The following DDX23 variants were observed in gnomAD, a reference collection of about 807,000 sequenced individuals.
The protein encoded by DDX23 is probable ATP-dependent RNA helicase DDX23.
In DDX23, 33 loss-of-function variants were observed where a neutral mutation model predicts 102.7. The ratio of observed to expected loss-of-function variants is 0.32; its 90% CI spans 0.24 to 0.43. The LOEUF is 0.43. DDX23 is among the 20% of genes least tolerant of loss of function. The pLI, the probability that DDX23 is intolerant of heterozygous loss-of-function variation, is 1.00. For synonymous variants in DDX23, 352 were observed against 376.0 expected (o/e 0.94, Z 0.74); for missense variants, 549 against 1,086.6 (o/e 0.51, Z 6.96).
chr12:48,830,828 G>A lies in DDX23; in HGVS notation c.2240-136C>T. 1.1e-6 allele frequency: 1 copy of A among 942,572 alleles called. No homozygotes were observed. The highest frequency in any genetic ancestry group is 1.6e-6 in the Non-Finnish European group (1 of 641,722). 58.4% of individuals were successfully genotyped at this position (942,572 alleles called of 1,614,324 possible). A position where few individuals can be genotyped will look rare whatever the true frequency, so the allele number is the denominator to read the frequency against. On this transcript the variant is annotated intron_variant, in intron 16 of 16. Coordinates refer to ENST00000308025, the MANE Select transcript of DDX23 (RefSeq NM_004818.3). This position sits in a 1 kb window ranked among gnomAD's most constrained non-coding sequence, Gnocchi z 4.9. ...TACAGCACATGCTGCCTGAACCTGA[G>A]GCGCCCACAGTGCCCTCTCCAGGTG...
rs144059085 is a variant in DDX23 at position 48,829,943 on chromosome 12, G to T, written c.*526C>A. The T allele has an allele frequency of 1.4e-5, 5 of 348,178 alleles. No individual in the cohort carries two copies. Among genetic ancestry groups the T allele is most frequent in the African/African-American group, 6.4e-5 (3 of 46,726 alleles). 21.6% of individuals were successfully genotyped at this position (348,178 alleles called of 1,614,324 possible). On this transcript the variant is annotated 3_prime_UTR_variant, in exon 17 of 17. Transcript: ENST00000308025. ...ATACAGCACCCCTTGGTGCGGGGCT[G>T]TGCACAGGTCTAAAGACTCTCAACT...
At chr12:48,834,218 C>T (rs1938431818) in intron 12 of DDX23, 102 bp downstream of exon 12, 1 of 1,138,698 alleles carries the variant, frequency 8.8e-7, no homozygotes, top group Non-Finnish European at 1.2e-6. Flanking sequence ...TATAAACCAG[C>T]TCCTTTCTTC....
intron 3 of DDX23, among the ~76,000 whole-genome samples, chr12:48,842,564 G>A (rs1477164802): frequency 2.5e-4 from 37 of 146,838 alleles, no homozygotes; most frequent in Non-Finnish European, 3.6e-4. Context: ...TCAGCCCCCC[G>A]CCCGGCCAGC....
intron 16 of DDX23, 132 bp downstream of exon 16, chr12:48,831,010 G>A: frequency 1.9e-6 from 2 of 1,053,436 alleles, no homozygotes; most frequent in Admixed American, 3.9e-5. Flanking sequence ...CTTCTCATGG[G>A]AGCAAGCAAT....
chr12:48,846,750 T>C (rs763470935), intron 1 of DDX23, among the ~76,000 whole-genome samples: 24 of 152,328 alleles, frequency 1.6e-4, no homozygotes, highest in East Asian at 5.8e-4. Context: ...GAAGTCCTGA[T>C]TGACATTCCC....
intron 1 of DDX23, among the ~76,000 whole-genome samples, chr12:48,849,474 C>A (rs1470890425): frequency 6.6e-6 from 1 of 151,838 alleles, no homozygotes; most frequent in East Asian, 1.9e-4. Context: ...CCAGCCTGGC[C>A]AACAGGGTGA....
chr12:48,845,728 C>T lies in DDX23; in HGVS notation c.55G>A (p.Glu19Lys). ...TCAGGAGTCCGTGATCGCTTCCTTTCCTCCTTGGAAGGTGATGCATCACGG... is the reference window on the plus strand; with the variant it reads ...TCAGGAGTCCGTGATCGCTTCCTTTTCTCCTTGGAAGGTGATGCATCACGG... The part of the protein sequence containing the change: ...KDRDASPSKE[E>K]RKRSRTPDRE... Residue 19 changes from glutamate to lysine, a missense_variant, in exon 2 of 17, where the codon GAA becomes AAA. By Grantham distance (56) the Glu-to-Lys change is moderately conservative. Transcript: ENST00000308025. 3.1e-6 allele frequency: 5 copies of T among 1,614,214 alleles called. No homozygotes were observed. Among genetic ancestry groups the T allele is most frequent in the Non-Finnish European group, 4.2e-6 (5 of 1,180,050 alleles).
intron 1 of DDX23, among the ~76,000 whole-genome samples, chr12:48,847,902 G>A (rs1284854468): frequency 6.6e-6 from 1 of 152,200 alleles, no homozygotes. Context: ...ACAGCATCCT[G>A]GATTTCATTC....
At chr12:48,831,008 G>T in intron 16 of DDX23, 134 bp downstream of exon 16, 1 of 1,030,574 alleles carries the variant, frequency 9.7e-7, no homozygotes, top group Non-Finnish European at 1.5e-6. Flanking sequence ...TGCTTCTCAT[G>T]GGAGCAAGCA....
At chr12:48,834,256 T>C in intron 12 of DDX23, 64 bp downstream of exon 12, 1 of 1,499,318 alleles carries the variant, frequency 6.7e-7, no homozygotes, top group South Asian at 1.3e-5. Flanking sequence ...TTCCAGAAAC[T>C]AGAAACAAAG....
chr12:48,836,301 G>A lies in DDX23; in HGVS notation c.1237-35C>T. ...CCCCAAGAAAGAGTAATAGGTACAG[G>A]GAGAGTTATACCACCTGGGCAACCA... is the stretch of plus-strand genomic sequence containing the variant. On this transcript the variant is annotated intron_variant, in intron 10 of 16. Coordinates refer to ENST00000308025, the MANE Select transcript of DDX23 (RefSeq NM_004818.3). This position sits in a 1 kb window ranked among gnomAD's most constrained non-coding sequence, Gnocchi z 6.1. 6.2e-7 allele frequency: 1 copy of A among 1,609,172 alleles called. No homozygotes were observed. The highest frequency in any genetic ancestry group is 8.5e-7 in the Non-Finnish European group (1 of 1,175,852).
rs754921445 is a variant in DDX23 at position 48,831,312 on chromosome 12, T to C, written c.2069A>G (p.Asn690Ser). Residue 690 changes from asparagine to serine, a missense_variant, in exon 16 of 17, where the codon AAT becomes AGT. Asn to Ser is a conservative substitution (Grantham distance 46, BLOSUM62 1). Around this residue, in one of 4 missense-constraint regions of DDX23, gnomAD observed 270 missense variants for 707.0 expected, o/e 0.38. Coordinates refer to ENST00000308025, the MANE Select transcript of DDX23 (RefSeq NM_004818.3). ...LAKSLEKMGY[N>S]ACTLHGGKGQ... ...TTTTCCACCGTGCAGTGTGCAAGCA[T>C]TGTACTGTTGGAAGAATGGTGAAGT... The C allele has an allele frequency of 1.4e-5, 22 of 1,613,932 alleles. No individual in the cohort carries two copies. Among genetic ancestry groups the C allele is most frequent in the African/African-American group, 2.7e-5 (2 of 74,868 alleles).
At position 48,841,607 on chromosome 12, in the gene DDX23, T is replaced by C. The variant is rs1232961937; in HGVS notation, c.321-1501A>G. Among the ~76,000 whole-genome samples, 8 of 152,220 alleles carry C rather than the reference T, an allele frequency of 5.3e-5. No individual in the cohort carries two copies. In the East Asian group the frequency reaches 5.8e-4, roughly 11 times the overall value. On this transcript the variant is annotated intron_variant, in intron 3 of 16. Coordinates refer to ENST00000308025, the MANE Select transcript of DDX23 (RefSeq NM_004818.3). ...TGCCGAGTGCCTGCGATTGCAGGCGTGCGCCGCCACGCCTGACTGGTTTTC... is the reference window on the plus strand; with the variant it reads ...TGCCGAGTGCCTGCGATTGCAGGCGCGCGCCGCCACGCCTGACTGGTTTTC...
In DDX23 at chr12:48,836,086, A is replaced by T. The variant is rs774271044; in HGVS notation, c.1382+35T>A. On this transcript the variant is annotated intron_variant, in intron 11 of 16. Transcript: ENST00000308025. The surrounding 1 kb of genome is among the most constrained non-coding windows in gnomAD (Gnocchi z 6.1). The stretch of plus-strand genomic sequence containing the variant: ...TGCCACTTTCACCTTTCCTACCCAG[A>T]CAAACCCACTCCAGCTGGTGCTAGC... 6.2e-7 allele frequency: 1 copy of T among 1,606,954 alleles called. No individual in the cohort carries two copies. The highest frequency in any genetic ancestry group is 1.1e-5 in the South Asian group (1 of 90,892).
At chr12:48,839,671 C>G in intron 5 of DDX23, 173 bp downstream of exon 5, 1 of 628,950 alleles carries the variant, frequency 1.6e-6, no homozygotes, top group Non-Finnish European at 2.8e-6. Flanking sequence ...AAGAAGACAG[C>G]CTTATAAGCC....
chr12:48,836,640 G>A lies in DDX23; in HGVS notation c.1165C>T (p.Pro389Ser). 1 of 1,614,202 alleles carries A rather than the reference G, an allele frequency of 6.2e-7. No homozygotes were observed. Among genetic ancestry groups the A allele is most frequent in the Non-Finnish European group, 8.5e-7 (1 of 1,180,042 alleles). Residue 389 changes from proline (P) to serine (S), a missense_variant, in exon 10 of 17, where the codon CCC (proline) becomes TCC (serine). Physicochemically the swap from Pro to Ser is moderately conservative, Grantham distance 74. This residue lies in a region of DDX23 where 270 missense variants were observed against 707.0 expected (regional missense o/e 0.38). Transcript: ENST00000308025. This position sits in a 1 kb window ranked among gnomAD's most constrained non-coding sequence, Gnocchi z 6.1. ...ITTKGGKIPNPIRSWKDSSLP... is the reference protein window; with the variant it reads ...ITTKGGKIPNSIRSWKDSSLP... ...GAAGAGTCTTTCCAGGATCGGATGG[G>A]ATTGGGGATCTTGCCACCTTTGGTG...
chr12:48,841,990 G>A (rs1359855974), intron 3 of DDX23, among the ~76,000 whole-genome samples: 5 of 150,680 alleles, frequency 3.3e-5, no homozygotes, highest in Admixed American at 1.3e-4. Context: ...GTCTCTGCCC[G>A]GCCGCCCCGT....
chr12:48,846,318 T>G (rs1236760555), intron 1 of DDX23, among the ~76,000 whole-genome samples: 1 of 152,222 alleles, frequency 6.6e-6, no homozygotes, highest in Admixed American at 6.5e-5. Context: ...ACCATGTTTT[T>G]GTAATTAGAC....
chr12:48,841,509 G>A (rs992456316), intron 3 of DDX23, among the ~76,000 whole-genome samples: 1 of 152,204 alleles, frequency 6.6e-6, no homozygotes, highest in African/African-American at 2.4e-5. Context: ...CTCTGATGCT[G>A]AGCCAAAGCT....
Sources: gnomAD v4.1 joint callset for allele counts (sites outside exome capture counted in the v4.1 genomes callset) on GRCh38, gnomAD v4.1.1 for gene constraint, gnomAD v4.1.1 regional missense constraint, Gnocchi (gnomAD v3.1) non-coding constraint, MANE v1.5 for transcripts, NCBI Gene and HGNC (gene_info 2026-07-23, HGNC 2026-07-21) for gene names.